Variants in GRIN2A observed in about 807,000 individuals in gnomAD.
GRIN2A encodes glutamate receptor ionotropic, NMDA 2A.
In GRIN2A, 22 loss-of-function variants were observed where a neutral mutation model predicts 113.4. The ratio of observed to expected loss-of-function variants is 0.19; its 90% confidence interval spans 0.14 to 0.28. The LOEUF is 0.28. Among genes scored for constraint, GRIN2A ranks in the 10% least tolerant of loss-of-function variants. GRIN2A has a pLI of 1.00. For missense variants in GRIN2A, 1,502 were observed against 1,887.0 expected, an observed-to-expected ratio of 0.80 and a Z score of 3.78; for synonymous variants, 827 against 738.4, an observed-to-expected ratio of 1.12 and a Z score of -1.94.
intron 3 of GRIN2A, among the ~76,000 whole-genome samples, chr16:9,907,538 C>T (rs2044050629): frequency 6.6e-6 from 1 of 152,140 alleles, no homozygotes; most frequent in Non-Finnish European, 1.5e-5. Flanking sequence ...ATCCTGATTG[C>T]AGTCATGATT....
intron 2 of GRIN2A, among the ~76,000 whole-genome samples, chr16:10,015,178 G>A (rs1022769081): frequency 3.4e-5 from 5 of 147,052 alleles, no homozygotes; most frequent in East Asian, 4.0e-4. Flanking sequence ...CACTTGAACC[G>A]GGAGGCGGAG....
At chr16:10,112,955 A>G in intron 2 of GRIN2A, 2 of 372,052 alleles carry the variant, frequency 5.4e-6, no homozygotes, top group Non-Finnish European at 5.2e-6. Context: ...ACCTCTCTCC[A>G]TAACTGAGTG....
At chr16:10,106,598 G>C (rs2048506054) in intron 2 of GRIN2A, among the ~76,000 whole-genome samples, 2 of 152,034 alleles carry the variant, frequency 1.3e-5, no homozygotes, top group Admixed American at 1.3e-4. Flanking sequence ...CTGGTACCTG[G>C]AAGTGGCCTG....
chr16:10,015,252 CA>C (rs200124835), intron 2 of GRIN2A, among the ~76,000 whole-genome samples: 1,693 of 19,256 alleles, frequency 0.088, 33 homozygotes, highest in African/African-American at 0.24. Flanking sequence ...GACTTCATCT[CA>C]AAAAAAAAAA....
intron 2 of GRIN2A, among the ~76,000 whole-genome samples, chr16:9,968,087 G>A (rs1475278125): frequency 6.6e-6 from 1 of 152,010 alleles, no homozygotes; most frequent in East Asian, 1.9e-4. Context: ...ATTGCAACGT[G>A]ATTCTTACTC....
chr16:10,047,313 A>T (rs903736908), intron 2 of GRIN2A, among the ~76,000 whole-genome samples: 3 of 152,178 alleles, frequency 2.0e-5, no homozygotes, highest in Non-Finnish European at 4.4e-5. Flanking sequence ...TCTCGATCTC[A>T]GTTTCTTCAT....
At chr16:9,976,173 G>A (rs957348825) in intron 2 of GRIN2A, among the ~76,000 whole-genome samples, 2 of 152,108 alleles carry the variant, frequency 1.3e-5, no homozygotes, top group East Asian at 1.9e-4. Context: ...GGGGAGCCTC[G>A]TGTCACTTAC....
intron 2 of GRIN2A, among the ~76,000 whole-genome samples, chr16:10,064,308 C>G (rs2047607123): frequency 6.6e-6 from 1 of 152,160 alleles, no homozygotes; most frequent in Non-Finnish European, 1.5e-5. Context: ...TCCCAGGCAC[C>G]TCACTTCGTT....
intron 2 of GRIN2A, among the ~76,000 whole-genome samples, chr16:10,042,393 G>C (rs965891486): frequency 6.6e-6 from 1 of 152,062 alleles, no homozygotes; most frequent in Admixed American, 6.6e-5. Context: ...CCCACGGAGA[G>C]GTTCTCAAAA....
intron 2 of GRIN2A, among the ~76,000 whole-genome samples, chr16:10,077,806 C>T (rs1280433805): frequency 6.6e-6 from 1 of 152,304 alleles, no homozygotes; most frequent in African/African-American, 2.4e-5. Flanking sequence ...TTCTGCGTAG[C>T]CCACTCCCTT....
At chr16:9,916,667 G>C (rs1354392767) in intron 3 of GRIN2A, among the ~76,000 whole-genome samples, 2 of 152,094 alleles carry the variant, frequency 1.3e-5, no homozygotes, top group African/African-American at 4.8e-5. Context: ...TCCACTCCTA[G>C]CTCTTTTTCC....
At chr16:10,018,083 T>C (rs2046643669) in intron 2 of GRIN2A, among the ~76,000 whole-genome samples, 1 of 152,190 alleles carries the variant, frequency 6.6e-6, no homozygotes, top group South Asian at 2.1e-4. Flanking sequence ...GCTTTCCAAT[T>C]TTCTACGATG....
chr16:9,806,701 G>C (rs779219572), intron 10 of GRIN2A, among the ~76,000 whole-genome samples: 1 of 151,752 alleles, frequency 6.6e-6, no homozygotes, highest in Non-Finnish European at 1.5e-5. Context: ...AGGAGAAAGA[G>C]ATGTTAGTAA....
intron 4 of GRIN2A, among the ~76,000 whole-genome samples, chr16:9,854,770 T>C (rs2042939998): frequency 1.3e-5 from 2 of 152,256 alleles, no homozygotes; most frequent in East Asian, 1.9e-4. Flanking sequence ...AATACCAGGG[T>C]TGCACCGCAT....
intron 3 of GRIN2A, among the ~76,000 whole-genome samples, chr16:9,898,542 T>C (rs1233701422): frequency 6.6e-6 from 1 of 152,172 alleles, no homozygotes; most frequent in Non-Finnish European, 1.5e-5. Context: ...TTTAATTCTC[T>C]TACTGTTTCA....
At chr16:9,814,081 T>C (rs1345925773) in intron 10 of GRIN2A, among the ~76,000 whole-genome samples, 1 of 152,220 alleles carries the variant, frequency 6.6e-6, no homozygotes, top group Non-Finnish European at 1.5e-5. Flanking sequence ...GGAATGCCAA[T>C]ATCCCTGAAC....
intron 2 of GRIN2A, among the ~76,000 whole-genome samples, chr16:10,062,459 T>C (rs191738230): frequency 1.3e-5 from 2 of 152,344 alleles, no homozygotes; most frequent in Non-Finnish European, 2.9e-5. Context: ...ATTGTCAGTC[T>C]CTTTGCCTCC....
intron 2 of GRIN2A, among the ~76,000 whole-genome samples, chr16:10,075,187 C>T (rs571732431): frequency 2.7e-4 from 41 of 152,056 alleles, no homozygotes; most frequent in Non-Finnish European, 5.0e-4. Flanking sequence ...GTACCTGGCG[C>T]GTAGTCAGCA....
intron 4 of GRIN2A, among the ~76,000 whole-genome samples, chr16:9,866,994 G>A (rs1020029269): frequency 6.6e-6 from 1 of 152,124 alleles, no homozygotes; most frequent in South Asian, 2.1e-4. Context: ...GTCATCCCTG[G>A]TCTCTATCTT....
Sources: gnomAD v4.1 joint callset for allele counts (sites outside exome capture counted in the v4.1 genomes callset) on GRCh38, gnomAD v4.1.1 for gene constraint, MANE v1.5 for transcripts, NCBI Gene and HGNC (gene_info 2026-07-23, HGNC 2026-07-21) for gene names.